Variants in ZNF527 observed in about 807,000 individuals in gnomAD.
ZNF527 encodes zinc finger protein 527.
In ZNF527, 5 loss-of-function variants were observed where a neutral mutation model predicts 13.5. That is an observed-to-expected ratio of 0.37 (90% CI 0.19 to 0.78). The LOEUF (loss-of-function observed/expected upper bound fraction) is 0.78. Ranked by LOEUF, ZNF527 falls within the 30% of genes least tolerant of loss-of-function variation. ZNF527 has a pLI of 0.48. For synonymous variants in ZNF527, 209 were observed against 243.1 expected, an observed-to-expected ratio of 0.86 and a Z score of 1.30; for missense variants, 628 against 726.4, an observed-to-expected ratio of 0.86 and a Z score of 1.56.
chr19:37,375,162 C>T (rs2040588519), intron 2 of ZNF527, among the ~76,000 whole-genome samples: 1 of 152,032 alleles, frequency 6.6e-6, no homozygotes, highest in Non-Finnish European at 1.5e-5. Context: ...ATTTAGAGAC[C>T]TTTTGGATAT....
intron 2 of ZNF527, among the ~76,000 whole-genome samples, chr19:37,375,282 CTTTCTTTCTTTCTTTCTTTCTTTCTTTCT>C (rs1568691352): frequency 2.1e-4 from 27 of 127,348 alleles, no homozygotes; most frequent in African/African-American, 6.1e-4. Context: ...TTCTTTCTTT[CTTTCTTTCTTTCTTTCTTTCTTTCTTTCT>C]TTTCTTTCTT....
chr19:37,389,985 G>C lies in ZNF527; in HGVS notation c.*106G>C, dbSNP rs904510276. ...TTCTTTGAATGTAGTTCATATTTCA[G>C]TTCATGAGTATCCGTTATTTGAAGT... On this transcript the variant is annotated 3_prime_UTR_variant, in exon 5 of 5. Transcript: ENST00000436120. The C allele has an allele frequency of 7.3e-7, 1 of 1,378,226 alleles. No homozygotes were observed. The allele number at this position is 1,378,226 out of a possible 1,614,324, so 85.4% of individuals were successfully genotyped here. A position where few individuals can be genotyped will look rare whatever the true frequency, so the allele number is the denominator to read the frequency against.
intron 2 of ZNF527, among the ~76,000 whole-genome samples, chr19:37,376,892 T>C (rs955570520): frequency 6.6e-6 from 1 of 152,156 alleles, no homozygotes; most frequent in African/African-American, 2.4e-5. Context: ...TAATTTTTTA[T>C]ATTGATTACA....
intron 2 of ZNF527, among the ~76,000 whole-genome samples, chr19:37,377,599 T>C (rs550449066): frequency 1.3e-5 from 2 of 152,118 alleles, no homozygotes; most frequent in Non-Finnish European, 2.9e-5. Context: ...TTAAAAGATA[T>C]TATCAGGACA....
intron 2 of ZNF527, among the ~76,000 whole-genome samples, chr19:37,376,789 CAT>C (rs2040612358): frequency 6.6e-6 from 1 of 151,076 alleles, no homozygotes; most frequent in Non-Finnish European, 1.5e-5. Context: ...CCAGCAGGCA[CAT>C]ATGAGTACTC....
intron 3 of ZNF527, 151 bp from the exon 4 acceptor site, chr19:37,380,126 C>G (rs374342259): frequency 7.2e-7 from 1 of 1,388,498 alleles, no homozygotes; most frequent in Non-Finnish European, 9.4e-7. Flanking sequence ...TCCATACAAG[C>G]GTCATTCCAT....
intron 4 of ZNF527, among the ~76,000 whole-genome samples, chr19:37,382,883 T>C (rs1427863033): frequency 6.6e-6 from 1 of 152,066 alleles, no homozygotes; most frequent in Non-Finnish European, 1.5e-5. Flanking sequence ...ATTTTTGTAT[T>C]TTTAGTAGAG....
At chr19:37,372,949 A>G (rs1397954618) in intron 1 of ZNF527, among the ~76,000 whole-genome samples, 1 of 152,210 alleles carries the variant, frequency 6.6e-6, no homozygotes, top group African/African-American at 2.4e-5. Context: ...TCTAAGGAAT[A>G]TATGGCATTG....
At chr19:37,380,610 G>A (rs2040646434) in intron 4 of ZNF527, among the ~76,000 whole-genome samples, 2 of 151,904 alleles carry the variant, frequency 1.3e-5, no homozygotes, top group South Asian at 2.1e-4. Context: ...TCCTTTTATG[G>A]TTAGAATTGT....
chr19:37,390,120 C>G lies in ZNF527; in HGVS notation c.*241C>G. On this transcript the variant is annotated 3_prime_UTR_variant, in exon 5 of 5. Coordinates refer to ENST00000436120, the MANE Select transcript of ZNF527 (RefSeq NM_032453.2). Reference sequence around the variant, plus strand: ...CTTGGCTCACTGCAGCCTCTGCCTCCTGGGTTCAAGCAATCCTCCTGCCTC... The same window carrying G: ...CTTGGCTCACTGCAGCCTCTGCCTCGTGGGTTCAAGCAATCCTCCTGCCTC... The G allele has an allele frequency of 1.2e-5, 4 of 332,270 alleles. No homozygotes were observed. Among genetic ancestry groups the G allele is most frequent in the Non-Finnish European group, 2.2e-5 (4 of 186,034 alleles). The allele number at this position is 332,270 out of a possible 1,614,324, so 20.6% of individuals were successfully genotyped here.
intron 2 of ZNF527, among the ~76,000 whole-genome samples, chr19:37,376,564 C>T (rs2040609403): frequency 6.6e-6 from 1 of 151,344 alleles, no homozygotes; most frequent in East Asian, 2.0e-4. Flanking sequence ...ATCCCAGCTA[C>T]TCAGGAGTCT....
At chr19:37,381,074 TAA>T (rs112790680) in intron 4 of ZNF527, among the ~76,000 whole-genome samples, 1 of 152,334 alleles carries the variant, frequency 6.6e-6, no homozygotes, top group African/African-American at 2.4e-5. Flanking sequence ...TCATTTTGAT[TAA>T]GTCACTATTC....
In ZNF527 at chr19:37,389,770, G is replaced by T. The variant is rs368981996; in HGVS notation, c.1721G>T (p.Arg574Ile). ...HQILSLRLHQ[R>I]IHAGEKPYKC... ...ATCTTGTCCCTAAGACTACACCAGAGAATTCACGCTGGAGAAAAACCTTAT... is the reference window on the plus strand; with the variant it reads ...ATCTTGTCCCTAAGACTACACCAGATAATTCACGCTGGAGAAAAACCTTAT... Residue 574 changes from arginine (R) to isoleucine (I), a missense_variant, in exon 5 of 5, where the codon AGA becomes ATA. By Grantham distance (97) the Arg-to-Ile change is moderately conservative. Around this residue, in one of 3 missense-constraint regions of ZNF527, gnomAD observed 592 missense variants for 678.0 expected, o/e 0.87. Transcript: ENST00000436120. The T allele has an allele frequency of 1.9e-5, 31 of 1,613,602 alleles. No individual in the cohort carries two copies. The highest frequency in any genetic ancestry group is 2.6e-5 in the Non-Finnish European group (31 of 1,180,022).
rs189483108 is a variant in ZNF527 at position 37,381,401 on chromosome 19, T to G, written c.256+1029T>G. The stretch of plus-strand genomic sequence containing the variant: ...ACACAAATGGCTCATTATATTTGCA[T>G]GCACTCAATTTGGATCTATCTGATT... On this transcript the variant is annotated intron_variant, in intron 4 of 4. Transcript: ENST00000436120. 3.3e-5 allele frequency among the ~76,000 whole-genome samples: 5 copies of G among 152,348 alleles called. No homozygotes were observed. The East Asian group carries it at 9.7e-4, about 29-fold the overall frequency.
rs2040761755 is a variant in ZNF527, at chr19:37,392,391, A to T, written c.*2512A>T. The stretch of plus-strand genomic sequence containing the variant: ...TTACTCACTAATTGATTTTTATTTT[A>T]TTTATTTATTTTTTTTGAGACAGGG... On this transcript the variant is annotated 3_prime_UTR_variant, in exon 5 of 5. Coordinates refer to ENST00000436120, the MANE Select transcript of ZNF527 (RefSeq NM_032453.2). The T allele has an allele frequency of 6.6e-6, 1 of 151,948 alleles. No homozygotes were observed. The highest frequency in any genetic ancestry group is 1.5e-5 in the Non-Finnish European group (1 of 67,996). The allele number at this position is 151,948 out of a possible 1,614,324, so 9.4% of individuals were successfully genotyped here.
In ZNF527 at chr19:37,388,873, G is replaced by A. The variant is rs200881565; in HGVS notation, c.824G>A (p.Gly275Glu). Residue 275 changes from glycine (G) to glutamate (E), a missense_variant, in exon 5 of 5, where the codon GGA becomes GAA. Around this residue, in one of 3 missense-constraint regions of ZNF527, gnomAD observed 592 missense variants for 678.0 expected, o/e 0.87. Coordinates refer to ENST00000436120, the MANE Select transcript of ZNF527 (RefSeq NM_032453.2). ...QTTHFGKLPH[G>E]YDECGDAFSC... ...ACTCATTTTGGAAAATTACCCCATG[G>A]ATACGATGAATGTGGTGATGCCTTT... is the stretch of plus-strand genomic sequence containing the variant. 122 of 1,614,102 alleles carry A rather than the reference G, an allele frequency of 7.6e-5. No individual in the cohort carries two copies. In the Admixed American group the frequency reaches 8.2e-4, roughly 11 times the overall value.
Position 37,388,654 on chromosome 19 carries a change from A to G in ZNF527, c.605A>G (p.Gln202Arg). ...GATATTTATGATAAACTCTTCCCCC[A>G]AAATTCAGTCATAATTGAATATAAA... The part of the protein sequence containing the change: ...KFDIYDKLFP[Q>R]NSVIIEYKRL... Residue 202 changes from glutamine (Q) to arginine (R), a missense_variant, in exon 5 of 5, where the codon CAA becomes CGA. Coordinates refer to ENST00000436120, the MANE Select transcript of ZNF527 (RefSeq NM_032453.2). The G allele has an allele frequency of 6.2e-7, 1 of 1,613,262 alleles. No homozygotes were observed. Among genetic ancestry groups the G allele is most frequent in the African/African-American group, 1.3e-5 (1 of 74,980 alleles).
At chr19:37,384,185 G>GCA (rs1423226918) in intron 4 of ZNF527, among the ~76,000 whole-genome samples, 15 of 152,032 alleles carry the variant, frequency 9.9e-5, no homozygotes, top group Non-Finnish European at 2.2e-4. Context: ...GGGCGTGGTG[G>GCA]TGTGTTCCTG....
chr19:37,389,210 A>G lies in ZNF527; in HGVS notation c.1161A>G (p.Glu387=). ...TTCACACAGGTGAGAAACCATATGAATGTAAAGAATGTAATAAAGCCTTCA... is the reference window on the plus strand; with the variant it reads ...TTCACACAGGTGAGAAACCATATGAGTGTAAAGAATGTAATAAAGCCTTCA... ...QRIHTGEKPY[E]CKECNKAFRQ... The change falls in exon 5 of 5, where the codon GAA becomes GAG. Residue 387 remains glutamate, a synonymous_variant. Coordinates refer to ENST00000436120, the MANE Select transcript of ZNF527 (RefSeq NM_032453.2). 1 of 1,614,192 alleles carries G rather than the reference A, an allele frequency of 6.2e-7. No individual in the cohort carries two copies. The highest frequency in any genetic ancestry group is 8.5e-7 in the Non-Finnish European group (1 of 1,180,032).
Sources: gnomAD v4.1 joint callset for allele counts (sites outside exome capture counted in the v4.1 genomes callset) on GRCh38, gnomAD v4.1.1 for gene constraint, gnomAD v4.1.1 regional missense constraint, MANE v1.5 for transcripts, NCBI Gene and HGNC (gene_info 2026-07-23, HGNC 2026-07-21) for gene names.